Variants in CNTN6 observed in about 807,000 individuals in gnomAD.
CNTN6 encodes contactin 6, also known as contactin-6.
A neutral mutation model predicts 122.8 loss-of-function variants in CNTN6; 137 were observed. The ratio of observed to expected loss-of-function variants is 1.12; its 90% confidence interval spans 0.97 to 1.29. The LOEUF (loss-of-function observed/expected upper bound fraction) is 1.29, where lower values mean the gene tolerates loss of function less well. CNTN6 is among the 50% of genes most tolerant of loss of function. CNTN6 has a pLI of 0.00. For synonymous variants in CNTN6, 570 were observed against 426.0 expected, an observed-to-expected ratio of 1.34 and a Z score of -4.16; for missense variants, 1,634 against 1,223.4, an observed-to-expected ratio of 1.34 and a Z score of -5.01.
intron 1 of CNTN6, among the ~76,000 whole-genome samples, chr3:1,094,969 C>T (rs1050315655): frequency 1.3e-5 from 2 of 151,948 alleles, no homozygotes; most frequent in African/African-American, 4.8e-5. Flanking sequence ...AGGGAAAACC[C>T]ATCACCTGTA....
In CNTN6 at chr3:1,245,495, C is replaced by G. The variant is rs1211912150; in HGVS notation, c.358+17502C>G. Among the ~76,000 whole-genome samples, 4 of 147,540 alleles carry G rather than the reference C, an allele frequency of 2.7e-5. 1 individual carries two copies. Among genetic ancestry groups the G allele is most frequent in the South Asian group, 4.3e-4 (2 of 4,630 alleles). On this transcript the variant is annotated intron_variant, in intron 4 of 22. Transcript: ENST00000446702. ...ATGTGGGAGCTAAGCTATGTGTACA[C>G]AAAGCATAAGAATGATACAATGGAT...
chr3:1,119,038 A>G (rs1034739149), intron 1 of CNTN6, among the ~76,000 whole-genome samples: 69 of 152,230 alleles, frequency 4.5e-4, no homozygotes, highest in African/African-American at 1.6e-3. Flanking sequence ...CATCTTTCTA[A>G]CTACTTAGGG....
chr3:1,273,194 C>A (rs903752496), intron 4 of CNTN6, among the ~76,000 whole-genome samples: 1 of 152,192 alleles, frequency 6.6e-6, no homozygotes, highest in Non-Finnish European at 1.5e-5. Flanking sequence ...CAGCAACCAG[C>A]ACTGCAGGAT....
chr3:1,377,314 C>A (rs1222125121), intron 17 of CNTN6, among the ~76,000 whole-genome samples: 5 of 152,122 alleles, frequency 3.3e-5, no homozygotes, highest in Non-Finnish European at 7.4e-5. Context: ...ACTTCAGTAT[C>A]TATTGAGCGT....
intron 17 of CNTN6, 110 bp downstream of exon 17, chr3:1,377,185 A>G (rs530061486): frequency 1.9e-5 from 13 of 685,016 alleles, no homozygotes; most frequent in Non-Finnish European, 2.9e-5. Context: ...GTAAAAAAAT[A>G]TGGTATAAAA....
chr3:1,213,645 A>T (rs1003358732), intron 2 of CNTN6, among the ~76,000 whole-genome samples: 1 of 151,954 alleles, frequency 6.6e-6, no homozygotes, highest in African/African-American at 2.4e-5. Flanking sequence ...TACAGAAAAG[A>T]TATACTGTAT....
Position 1,295,613 on chromosome 3 carries a change from C to T in CNTN6, c.467C>T (p.Ala156Val), listed in dbSNP as rs749434572. The T allele has an allele frequency of 1.2e-6, 2 of 1,613,102 alleles. No homozygotes were observed. The highest frequency in any genetic ancestry group is 1.7e-6 in the Non-Finnish European group (2 of 1,179,324). ...TCTTGTTTTTCAGATTTATCTTATG[C>T]ATGGACCTTCAATGATAACCCCTTA... ...PPPHFGDLSY[A>V]WTFNDNPLYV... is the part of the protein sequence containing the mutation. The change falls in exon 6 of 23, where the codon GCA (alanine) becomes GTA (valine). Residue 156 changes from alanine (A) to valine (V), a missense_variant. Ala to Val is a moderately conservative substitution (Grantham distance 64). Coordinates refer to ENST00000446702, the MANE Select transcript of CNTN6 (RefSeq NM_001289080.2).
At chr3:1,103,804 T>G (rs1451319368) in intron 1 of CNTN6, among the ~76,000 whole-genome samples, 1 of 152,134 alleles carries the variant, frequency 6.6e-6, no homozygotes, top group East Asian at 1.9e-4. Flanking sequence ...GCCAGTGAAG[T>G]TTCAAGATTC....
chr3:1,285,956 A>C (rs368215838), intron 5 of CNTN6, among the ~76,000 whole-genome samples: 85 of 152,308 alleles, frequency 5.6e-4, no homozygotes, highest in Middle Eastern at 3.4e-3. Context: ...CCCACTCTTC[A>C]TAGCTGGCCA....
intron 16 of CNTN6, among the ~76,000 whole-genome samples, chr3:1,375,094 A>G (rs1685351892): frequency 6.6e-6 from 1 of 152,058 alleles, no homozygotes; most frequent in African/African-American, 2.4e-5. Context: ...TAGATGAGCA[A>G]TAGATTAGCC....
intron 12 of CNTN6, among the ~76,000 whole-genome samples, chr3:1,358,192 G>A (rs756670238): frequency 7.9e-5 from 12 of 151,710 alleles, no homozygotes; most frequent in African/African-American, 1.5e-4. Flanking sequence ...CACTTCAACC[G>A]ATACGTTTAT....
chr3:1,108,068 C>T (rs923299151), intron 1 of CNTN6, among the ~76,000 whole-genome samples: 6 of 152,048 alleles, frequency 3.9e-5, no homozygotes, highest in African/African-American at 1.2e-4. Flanking sequence ...CCAGCATCTA[C>T]ATCCCGTTTT....
chr3:1,157,026 T>C (rs1246066043), intron 2 of CNTN6, among the ~76,000 whole-genome samples: 1 of 151,446 alleles, frequency 6.6e-6, no homozygotes, highest in African/African-American at 2.4e-5. Flanking sequence ...TCTTTTTTTT[T>C]TTATTTTTAA....
intron 4 of CNTN6, among the ~76,000 whole-genome samples, chr3:1,253,998 G>A (rs973327789): frequency 6.6e-6 from 1 of 151,794 alleles, no homozygotes; most frequent in Non-Finnish European, 1.5e-5. Flanking sequence ...TATATAAATG[G>A]GATTGTTCTA....
At chr3:1,123,875 A>T (rs1182522558) in intron 1 of CNTN6, among the ~76,000 whole-genome samples, 1 of 151,848 alleles carries the variant, frequency 6.6e-6, no homozygotes, top group Admixed American at 6.6e-5. Flanking sequence ...TAGTTTTCTG[A>T]ATGTTTTTAT....
chr3:1,351,603 G>C (rs755093515), intron 11 of CNTN6, among the ~76,000 whole-genome samples: 3 of 150,346 alleles, frequency 2.0e-5, no homozygotes, highest in Non-Finnish European at 4.4e-5. Context: ...GACTATGCTA[G>C]AGTTTCAGAG....
At chr3:1,319,127 C>T (rs528212400) in intron 7 of CNTN6, among the ~76,000 whole-genome samples, 3 of 151,676 alleles carry the variant, frequency 2.0e-5, no homozygotes, top group South Asian at 2.1e-4. Flanking sequence ...AAATGGAGAT[C>T]CACTTTTGTA....
chr3:1,299,337 A>G (rs944942095), intron 7 of CNTN6, among the ~76,000 whole-genome samples: 24 of 152,150 alleles, frequency 1.6e-4, no homozygotes, highest in African/African-American at 5.6e-4. Flanking sequence ...TAATTAGATA[A>G]TTAATTTTAA....
intron 1 of CNTN6, among the ~76,000 whole-genome samples, chr3:1,138,838 A>G (rs1559381934): frequency 6.6e-6 from 1 of 152,044 alleles, no homozygotes; most frequent in South Asian, 2.1e-4. Flanking sequence ...TTATATATCT[A>G]TATAATTATA....
Sources: allele counts gnomAD v4.1 joint callset (sites outside exome capture counted in the v4.1 genomes callset), GRCh38; gene constraint gnomAD v4.1.1; transcripts MANE v1.5; gene names NCBI Gene and HGNC (gene_info 2026-07-23, HGNC 2026-07-21).